The following CBX1 variants were observed in gnomAD, a reference collection of about 807,000 sequenced individuals.
The protein encoded by CBX1 is chromobox protein homolog 1.
Under a neutral mutation model 25.1 loss-of-function variants are expected in CBX1, and 10 were observed. That is an observed-to-expected ratio of 0.40 (90% CI 0.25 to 0.68). The LOEUF is 0.68. CBX1 is among the 30% of genes least tolerant of loss of function. The pLI, the probability that CBX1 is intolerant of heterozygous loss-of-function variation, is 0.40. For synonymous variants in CBX1, 63 were observed against 79.4 expected (o/e 0.79, Z 1.10); for missense variants, 106 against 218.5 (o/e 0.49, Z 3.25).
chr17:48,083,731 G>A (rs867710595), intron 1 of CBX1, among the ~76,000 whole-genome samples: 1 of 150,080 alleles, frequency 6.7e-6, no homozygotes, highest in African/African-American at 2.5e-5. Flanking sequence ...GGCTGAGGCA[G>A]GAGAATCGCT....
intron 1 of CBX1, chr17:48,088,237 G>A (rs1487806387): frequency 6.6e-6 from 1 of 151,926 alleles, no homozygotes; most frequent in Non-Finnish European, 1.5e-5. Context: ...CTACAACCTG[G>A]GAGGTGGAGG....
chr17:48,092,485 G>T (rs1490865070), intron 1 of CBX1, among the ~76,000 whole-genome samples: 1 of 148,334 alleles, frequency 6.7e-6, no homozygotes, highest in Non-Finnish European at 1.5e-5. Flanking sequence ...TTTTTGAGAG[G>T]GAGTCTTGCT....
intron 3 of CBX1, 56 bp from the exon 4 acceptor site, chr17:48,075,156 T>C (rs1273585612): frequency 1.8e-6 from 2 of 1,120,816 alleles, no homozygotes; most frequent in African/African-American, 3.1e-5. Flanking sequence ...TTATCCAGAC[T>C]GGAACCATTC....
chr17:48,094,114 C>CAAAAAAAA (rs11459504), intron 1 of CBX1, among the ~76,000 whole-genome samples: 2 of 50,838 alleles, frequency 3.9e-5, no homozygotes, highest in Non-Finnish European at 6.7e-5. Flanking sequence ...AACTCTGTCT[C>CAAAAAAAA]AAAAAAAAAA....
chr17:48,094,586 A>T (rs2063362273), intron 1 of CBX1, among the ~76,000 whole-genome samples: 1 of 151,558 alleles, frequency 6.6e-6, no homozygotes, highest in African/African-American at 2.4e-5. Context: ...CAAAAAAAAA[A>T]TTAGCCAGCA....
intron 1 of CBX1, among the ~76,000 whole-genome samples, chr17:48,087,377 G>A (rs1011889232): frequency 6.7e-5 from 10 of 148,324 alleles, no homozygotes; most frequent in African/African-American, 1.7e-4. Context: ...AGTTGAGATC[G>A]GCCTGGCCAA....
At chr17:48,094,260 C>T (rs901598011) in intron 1 of CBX1, among the ~76,000 whole-genome samples, 1 of 151,904 alleles carries the variant, frequency 6.6e-6, no homozygotes, top group African/African-American at 2.4e-5. Flanking sequence ...ATGGTGAAAC[C>T]CCAACTCTAG....
At chr17:48,090,880 G>C (rs1385422938) in intron 1 of CBX1, among the ~76,000 whole-genome samples, 1 of 152,240 alleles carries the variant, frequency 6.6e-6, no homozygotes, top group Non-Finnish European at 1.5e-5. Context: ...GGGTAGACAA[G>C]ACAGACAAAA....
chr17:48,099,678 G>A (rs576641781), intron 1 of CBX1, among the ~76,000 whole-genome samples: 2 of 152,278 alleles, frequency 1.3e-5, no homozygotes, highest in South Asian at 4.1e-4. Flanking sequence ...CCAAACTGCT[G>A]ATGTGACTCT....
At chr17:48,074,779 C>T in intron 4 of CBX1, 1 of 491,346 alleles carries the variant, frequency 2.0e-6, no homozygotes, top group Non-Finnish European at 3.7e-6. Flanking sequence ...AGATTGTCTC[C>T]CACCTCCTAA....
chr17:48,077,445 G>GT (rs796350669), intron 1 of CBX1, among the ~76,000 whole-genome samples: 2,653 of 52,174 alleles, frequency 0.051, 214 homozygotes, highest in African/African-American at 0.11. Context: ...TTTTTTTTTT[G>GT]TTTTTTTTGT....
intron 1 of CBX1, among the ~76,000 whole-genome samples, chr17:48,080,079 G>A (rs1485772084): frequency 6.6e-6 from 1 of 152,088 alleles, no homozygotes; most frequent in Non-Finnish European, 1.5e-5. Context: ...GTCTCCCTCT[G>A]TCGCCCAGGC....
chr17:48,076,850 G>C lies in CBX1; in HGVS notation c.140+15C>G. 2 of 1,605,412 alleles carry C rather than the reference G, an allele frequency of 1.2e-6. No homozygotes were observed. Among genetic ancestry groups the C allele is most frequent in the Non-Finnish European group, 1.7e-6 (2 of 1,176,502 alleles). ...ACACGTGGTGGCTACATTTACCTGT[G>C]TCAGTGAAACTTACTCTGAGAATCC... On this transcript the variant is annotated intron_variant, in intron 2 of 4. Coordinates refer to ENST00000225603, the MANE Select transcript of CBX1 (RefSeq NM_001127228.2).
chr17:48,081,837 T>C (rs888596490), intron 1 of CBX1, among the ~76,000 whole-genome samples: 21 of 152,174 alleles, frequency 1.4e-4, no homozygotes, highest in African/African-American at 5.1e-4. Flanking sequence ...CTTTACTGGC[T>C]CATCCCAGAG....
intron 1 of CBX1, among the ~76,000 whole-genome samples, chr17:48,077,708 G>C (rs1034624127): frequency 6.6e-6 from 1 of 152,028 alleles, no homozygotes; most frequent in Non-Finnish European, 1.5e-5. Flanking sequence ...AGGGCCAGGC[G>C]TGCAGGCTCA....
chr17:48,078,199 GTT>G (rs527319158), intron 1 of CBX1, among the ~76,000 whole-genome samples: 1 of 143,942 alleles, frequency 6.9e-6, no homozygotes, highest in Admixed American at 6.9e-5. Flanking sequence ...ATTTGAATTT[GTT>G]TTTTTTTTTT....
At chr17:48,091,983 CTTTTTTT>C (rs56277117) in intron 1 of CBX1, among the ~76,000 whole-genome samples, 1 of 62,916 alleles carries the variant, frequency 1.6e-5, no homozygotes, top group Non-Finnish European at 2.7e-5. Flanking sequence ...CCAGCCAGAT[CTTTTTTT>C]TTTTTTTTTT....
chr17:48,088,804 A>G (rs1440917565), intron 1 of CBX1: 1 of 152,054 alleles, frequency 6.6e-6, no homozygotes, highest in Admixed American at 6.6e-5. Context: ...ATTTTATACA[A>G]TGCAATGTAT....
chr17:48,088,471 T>G (rs910463927), intron 1 of CBX1, among the ~76,000 whole-genome samples: 1 of 151,664 alleles, frequency 6.6e-6, no homozygotes, highest in South Asian at 2.1e-4. Context: ...ATACAAAAAT[T>G]AGCCGGGCGT....
Sources: gnomAD v4.1 joint callset for allele counts (sites outside exome capture counted in the v4.1 genomes callset) on GRCh38, gnomAD v4.1.1 for gene constraint, MANE v1.5 for transcripts, NCBI Gene and HGNC (gene_info 2026-07-23, HGNC 2026-07-21) for gene names.